Variants in OTUD4 observed in about 807,000 individuals in gnomAD.
OTUD4 encodes the protein OTU deubiquitinase 4, also known as OTU domain-containing protein 4.
A neutral mutation model predicts 130.4 loss-of-function variants in OTUD4; 24 were observed. That is an observed-to-expected ratio of 0.18 (90% CI 0.13 to 0.26). The LOEUF (loss-of-function observed/expected upper bound fraction) is 0.26, where lower values mean the gene tolerates loss of function less well. Among genes scored for constraint, OTUD4 ranks in the 10% least tolerant of loss-of-function variants. OTUD4 has a pLI of 1.00. For synonymous variants in OTUD4, 420 were observed against 472.5 expected, an observed-to-expected ratio of 0.89 and a Z score of 1.44; for missense variants, 1,031 against 1,329.4, an observed-to-expected ratio of 0.78 and a Z score of 3.49.
intron 11 of OTUD4, among the ~76,000 whole-genome samples, chr4:145,151,887 A>G (rs1304748960): frequency 6.6e-6 from 1 of 152,230 alleles, no homozygotes; most frequent in Non-Finnish European, 1.5e-5. Flanking sequence ...TTGCTACTCC[A>G]TCTGACAAAC....
intron 1 of OTUD4, among the ~76,000 whole-genome samples, chr4:145,176,143 G>A (rs1029574008): frequency 8.0e-5 from 12 of 150,560 alleles, no homozygotes; most frequent in African/African-American, 2.2e-4. Flanking sequence ...TGATCTGCCC[G>A]CCTGGGCCTC....
intron 3 of OTUD4, among the ~76,000 whole-genome samples, chr4:145,169,050 C>A (rs961324324): frequency 6.6e-6 from 1 of 152,214 alleles, no homozygotes; most frequent in Admixed American, 6.5e-5. Context: ...CATAAGACTA[C>A]AAACTCTATC....
At chr4:145,148,334 T>C (rs1750914148) in intron 13 of OTUD4, among the ~76,000 whole-genome samples, 1 of 152,078 alleles carries the variant, frequency 6.6e-6, no homozygotes, top group African/African-American at 2.4e-5. Flanking sequence ...ACCCCGTCTT[T>C]AATTAAAATA....
chr4:145,138,188 A>T lies in OTUD4; in HGVS notation c.2587T>A (p.Tyr863Asn). Reference sequence around the variant, plus strand: ...ATGAATCCCTGAAAAGGGTACCCATACCAAACATGAGGAAAGAAAGGAGGT... The same window carrying T: ...ATGAATCCCTGAAAAGGGTACCCATTCCAAACATGAGGAAAGAAAGGAGGT... ...IAPPFFPHVW[Y>N]GYPFQGFIEN... The change falls in exon 21 of 21, where the codon TAT (tyrosine) becomes AAT (asparagine). Residue 863 changes from tyrosine to asparagine, a missense_variant. Around this residue, in one of 3 missense-constraint regions of OTUD4, gnomAD observed 900 missense variants for 1,095.9 expected, o/e 0.82. Coordinates refer to ENST00000447906, the MANE Select transcript of OTUD4 (RefSeq NM_001366057.1). 1 of 1,613,962 alleles carries T rather than the reference A, an allele frequency of 6.2e-7. No homozygotes were observed. Among genetic ancestry groups the T allele is most frequent in the Non-Finnish European group, 8.5e-7 (1 of 1,179,868 alleles).
At chr4:145,154,157 G>A (rs1002459438) in intron 10 of OTUD4, among the ~76,000 whole-genome samples, 2 of 152,216 alleles carry the variant, frequency 1.3e-5, no homozygotes, top group Admixed American at 1.3e-4. Flanking sequence ...TTTGAGAAGG[G>A]TGGGGAGAGA....
chr4:145,169,104 A>G (rs1338144988), intron 3 of OTUD4, among the ~76,000 whole-genome samples: 1 of 152,244 alleles, frequency 6.6e-6, no homozygotes, highest in African/African-American at 2.4e-5. Flanking sequence ...TTAGAAAGCA[A>G]ATCAGTGCTT....
At chr4:145,157,427 G>T (rs375393133) in intron 7 of OTUD4, among the ~76,000 whole-genome samples, 1 of 152,278 alleles carries the variant, frequency 6.6e-6, no homozygotes, top group Non-Finnish European at 1.5e-5. Flanking sequence ...AGAGGCTCAC[G>T]CCTGTAATCC....
rs1234180413 is a variant in OTUD4 at position 145,155,605 on chromosome 4, T to G, written c.772A>C (p.Asn258His). 1.2e-6 allele frequency: 2 copies of G among 1,612,620 alleles called. No homozygotes were observed. Among genetic ancestry groups the G allele is most frequent in the Non-Finnish European group, 8.5e-7 (1 of 1,179,296 alleles). Residue 258 changes from asparagine (N) to histidine (H), a missense_variant, in exon 9 of 21, where the codon AAT becomes CAT. Transcript: ENST00000447906. Reference sequence around the variant, plus strand: ...TTCAGCCAAATTTCATATTCCACATTTCTATAGACTGCAGGATTGAGTGAC... The same window carrying G: ...TTCAGCCAAATTTCATATTCCACATGTCTATAGACTGCAGGATTGAGTGAC... ...LKSLNPAVYRNVEYEIWLKSK... is the reference protein window; with the variant it reads ...LKSLNPAVYRHVEYEIWLKSK...
intron 19 of OTUD4, among the ~76,000 whole-genome samples, chr4:145,140,947 C>T (rs966456774): frequency 7.2e-5 from 11 of 151,984 alleles, no homozygotes; most frequent in African/African-American, 1.9e-4. Flanking sequence ...ACGCAGATTA[C>T]GAGGTCGGGA....
chr4:145,141,309 A>C, intron 19 of OTUD4, 70 bp downstream of exon 19: 1 of 1,349,954 alleles, frequency 7.4e-7, no homozygotes, highest in Non-Finnish European at 1.0e-6. Context: ...CTCTACTTAC[A>C]TCTCTTCATT....
In OTUD4 at chr4:145,144,535, TA is replaced by T. The variant is rs1750731842; in HGVS notation, c.1423-102del. On this transcript the variant is annotated intron_variant, in intron 14 of 20. Coordinates refer to ENST00000447906, the MANE Select transcript of OTUD4 (RefSeq NM_001366057.1). ...CTCACTCTTCATACTTCTAAAATCT[TA>T]AAATTCACAGCCCTGTATTTTTAAC... 3 of 1,148,046 alleles carry T rather than the reference TA, an allele frequency of 2.6e-6. No individual in the cohort carries two copies. In the African/African-American group the frequency reaches 4.7e-5, roughly 18 times the overall value. The allele number at this position is 1,148,046 out of a possible 1,614,324, so 71.1% of individuals were successfully genotyped here. A position where few individuals can be genotyped will look rare whatever the true frequency, so the allele number is the denominator to read the frequency against.
chr4:145,148,907 A>G (rs1164433620), intron 13 of OTUD4, among the ~76,000 whole-genome samples: 4 of 152,246 alleles, frequency 2.6e-5, no homozygotes, highest in Non-Finnish European at 5.9e-5. Flanking sequence ...GTCAATGTCC[A>G]AACAACAAAC....
chr4:145,144,888 A>C (rs1035782627), intron 14 of OTUD4, among the ~76,000 whole-genome samples: 1 of 152,172 alleles, frequency 6.6e-6, no homozygotes, highest in Non-Finnish European at 1.5e-5. Flanking sequence ...ACTGTCAGCA[A>C]ATCACTTAAA....
chr4:145,173,897 T>C (rs1452146220), intron 2 of OTUD4, among the ~76,000 whole-genome samples: 1 of 152,204 alleles, frequency 6.6e-6, no homozygotes, highest in African/African-American at 2.4e-5. Flanking sequence ...TGTTCTGACA[T>C]GTGAGTTCAC....
At chr4:145,168,880 C>A (rs910435187) in intron 3 of OTUD4, among the ~76,000 whole-genome samples, 1 of 152,174 alleles carries the variant, frequency 6.6e-6, no homozygotes, top group African/African-American at 2.4e-5. Context: ...TTTAACAACC[C>A]AGAACTGTAA....
chr4:145,144,526 C>A (rs1212115316), intron 14 of OTUD4, 92 bp from the exon 15 acceptor site: 1 of 1,266,002 alleles, frequency 7.9e-7, no homozygotes, highest in South Asian at 1.3e-5. Context: ...CTTCATACTT[C>A]TAAAATCTTA....
rs1750296186 is a variant in OTUD4 at position 145,136,809 on chromosome 4, G to C, written c.*621C>G. ...CTATATACAACATTGCTAAGACACA[G>C]TTAATAGGCTGCCTTATGTGAATAT... On this transcript the variant is annotated 3_prime_UTR_variant, in exon 21 of 21. Transcript: ENST00000447906. 6.6e-6 allele frequency: 1 copy of C among 152,548 alleles called. No individual in the cohort carries two copies. Among genetic ancestry groups the C allele is most frequent in the Non-Finnish European group, 1.5e-5 (1 of 68,028 alleles). The allele number at this position is 152,548 out of a possible 1,614,324, so 9.4% of individuals were successfully genotyped here.
At chr4:145,148,561 A>G (rs1489231163) in intron 13 of OTUD4, among the ~76,000 whole-genome samples, 1 of 152,174 alleles carries the variant, frequency 6.6e-6, no homozygotes, top group Non-Finnish European at 1.5e-5. Context: ...TCTGAGCACT[A>G]TACCAATTCA....
chr4:145,159,643 TAATGAC>T lies in OTUD4; in HGVS notation c.497-14_497-9del. On this transcript the variant is annotated splice_polypyrimidine_tract_variant and intron_variant, in intron 6 of 20. Transcript: ENST00000447906. ...GCAATTCATAAAGGAGAGCTGCAATTAATGACAGACAGATTTTCCAACATTAACTAC... is the reference window on the plus strand; with the variant it reads ...GCAATTCATAAAGGAGAGCTGCAATTAGACAGATTTTCCAACATTAACTAC... The T allele has an allele frequency of 6.2e-7, 1 of 1,611,490 alleles. No individual in the cohort carries two copies. Among genetic ancestry groups the T allele is most frequent in the Non-Finnish European group, 8.5e-7 (1 of 1,178,786 alleles).
Sources: gnomAD v4.1 joint callset for allele counts (sites outside exome capture counted in the v4.1 genomes callset) on GRCh38, gnomAD v4.1.1 for gene constraint, gnomAD v4.1.1 regional missense constraint, MANE v1.5 for transcripts, NCBI Gene and HGNC (gene_info 2026-07-23, HGNC 2026-07-21) for gene names.